AP4E1: variants seen among roughly 807,000 people sequenced by gnomAD.
The protein encoded by AP4E1 is adaptor related protein complex 4 subunit epsilon 1, also known as AP-4 complex subunit epsilon-1.
In AP4E1, 56 loss-of-function variants were observed where a neutral mutation model predicts 128.2. The ratio of observed to expected loss-of-function variants is 0.44; its 90% confidence interval spans 0.35 to 0.55. The LOEUF (loss-of-function observed/expected upper bound fraction) is 0.55. Among genes scored for constraint, AP4E1 ranks in the 20% least tolerant of loss-of-function variants. The pLI is 0.00. For missense variants in AP4E1, 1,324 were observed against 1,307.7 expected, an observed-to-expected ratio of 1.01 and a Z score of -0.19; for synonymous variants, 484 against 473.1, an observed-to-expected ratio of 1.02 and a Z score of -0.30.
Position 50,915,467 on chromosome 15 carries a change from T to A in AP4E1, c.242T>A (p.Met81Lys). 1 of 1,613,308 alleles carries A rather than the reference T, an allele frequency of 6.2e-7. No individual in the cohort carries two copies. Among genetic ancestry groups the A allele is most frequent in the East Asian group, 2.2e-5 (1 of 44,732 alleles). Reference protein sequence around the residue: ...TTTLKMMKECMVRLIYCEMLG... With the variant: ...TTTLKMMKECKVRLIYCEMLG... ...TTTCAGAAAATGATGAAGGAATGTATGGTGAGACTTATATATTGTGAAATG... is the reference window on the plus strand; with the variant it reads ...TTTCAGAAAATGATGAAGGAATGTAAGGTGAGACTTATATATTGTGAAATG... The change falls in exon 3 of 21, where the codon ATG (methionine) becomes AAG (lysine). Residue 81 changes from methionine to lysine, a missense_variant. Coordinates refer to ENST00000261842, the MANE Select transcript of AP4E1 (RefSeq NM_007347.5).
chr15:50,934,738 G>GT, intron 8 of AP4E1, 41 bp downstream of exon 8: 1 of 1,322,350 alleles, frequency 7.6e-7, no homozygotes. Context: ...GACTAATAAT[G>GT]TTTTTTAGTA....
At chr15:51,001,552 AC>A (rs1259593307) in intron 20 of AP4E1, among the ~76,000 whole-genome samples, 7 of 151,978 alleles carry the variant, frequency 4.6e-5, no homozygotes, top group Admixed American at 3.3e-4. Flanking sequence ...CTACCATTTT[AC>A]CTCTTGTCTC....
At chr15:50,936,022 C>T (rs1596469193) in intron 8 of AP4E1, among the ~76,000 whole-genome samples, 1 of 151,998 alleles carries the variant, frequency 6.6e-6, no homozygotes, top group Non-Finnish European at 1.5e-5. Flanking sequence ...AAACTAGGTG[C>T]GGATTGAGGA....
rs961668789 is a variant in AP4E1 at position 51,004,156 on chromosome 15, T to C, written c.*1494T>C. The C allele has an allele frequency of 6.6e-5, 10 of 152,316 alleles. No homozygotes were observed. The highest frequency in any genetic ancestry group is 2.4e-4 in the African/African-American group (10 of 41,550). 9.4% of individuals were successfully genotyped at this position (152,316 alleles called of 1,614,324 possible). A position where few individuals can be genotyped will look rare whatever the true frequency, so the allele number is the denominator to read the frequency against. On this transcript the variant is annotated 3_prime_UTR_variant, in exon 21 of 21. Transcript: ENST00000261842. ...TAATAGGTTCCTCCTTTTGAATAGA[T>C]CAGATTCATCCCCAGGCTCTCAGCA...
intron 2 of AP4E1, 88 bp from the exon 3 acceptor site, chr15:50,915,360 G>A: frequency 7.3e-7 from 1 of 1,364,978 alleles, no homozygotes; most frequent in Non-Finnish European, 1.0e-6. Flanking sequence ...CAGGATTAAA[G>A]GATTCTCCTT....
At chr15:50,916,508 T>C (rs1403941847) in intron 3 of AP4E1, among the ~76,000 whole-genome samples, 1 of 152,218 alleles carries the variant, frequency 6.6e-6, no homozygotes, top group Non-Finnish European at 1.5e-5. Context: ...TTTAGAATAG[T>C]AAAGGTTAGA....
chr15:50,908,757 G>A lies in AP4E1; in HGVS notation c.-22G>A, dbSNP rs1567202738. On this transcript the variant is annotated 5_prime_UTR_variant, in exon 1 of 21. Transcript: ENST00000261842. ...CGGCTACGGGATCGCGGGCGGCGGC[G>A]GCATCGCGGGCGGCGGCGGCGATGA... 5.3e-6 allele frequency: 8 copies of A among 1,513,256 alleles called. No homozygotes were observed. The highest frequency in any genetic ancestry group is 7.1e-6 in the Non-Finnish European group (8 of 1,133,838). 93.7% of individuals were successfully genotyped at this position (1,513,256 alleles called of 1,614,324 possible).
chr15:50,908,704 G>T lies in AP4E1; in HGVS notation c.-75G>T, dbSNP rs1314586028. 1 of 1,392,916 alleles carries T rather than the reference G, an allele frequency of 7.2e-7. No individual in the cohort carries two copies. Among genetic ancestry groups the T allele is most frequent in the Non-Finnish European group, 9.3e-7 (1 of 1,076,628 alleles). The allele number at this position is 1,392,916 out of a possible 1,614,324, so 86.3% of individuals were successfully genotyped here. A position where few individuals can be genotyped will look rare whatever the true frequency, so the allele number is the denominator to read the frequency against. ...AGGAAGTGCCTACGGAGGCCGGGCC[G>T]GCAGCGGCGGCCGGGCATGAAGCCG... On this transcript the variant is annotated 5_prime_UTR_variant, in exon 1 of 21. Transcript: ENST00000261842.
chr15:50,908,869 T>A lies in AP4E1; in HGVS notation c.91T>A (p.Ser31Thr), dbSNP rs924365071. The A allele has an allele frequency of 8.7e-6, 14 of 1,610,038 alleles. No homozygotes were observed. Among genetic ancestry groups the A allele is most frequent in the Non-Finnish European group, 2.5e-6 (3 of 1,179,128 alleles). ...PGGGPAAAKA[S>T]FSSRLGSLVR... The stretch of plus-strand genomic sequence containing the variant: ...TGGTGGGCCCGCGGCCGCCAAGGCG[T>A]CCTTCTCCTCGAGGCTGGGCAGCCT... The change falls in exon 1 of 21, where the codon TCC becomes ACC. Residue 31 changes from serine to threonine, a missense_variant. Ser to Thr is a moderately conservative substitution (Grantham distance 58). Coordinates refer to ENST00000261842, the MANE Select transcript of AP4E1 (RefSeq NM_007347.5).
At chr15:50,977,716 T>TG (rs1441732457) in intron 15 of AP4E1, among the ~76,000 whole-genome samples, 5 of 63,682 alleles carry the variant, frequency 7.9e-5, no homozygotes, top group Non-Finnish European at 1.6e-4. Context: ...GTTTTTTTTT[T>TG]TTTTTTTTTT....
At chr15:50,928,078 A>G (rs1299891682) in intron 5 of AP4E1, among the ~76,000 whole-genome samples, 1 of 152,156 alleles carries the variant, frequency 6.6e-6, no homozygotes, top group Non-Finnish European at 1.5e-5. Flanking sequence ...CAAAACTAGT[A>G]TATACTTTTC....
At chr15:50,954,453 T>C (rs1286052383) in intron 13 of AP4E1, among the ~76,000 whole-genome samples, 1 of 152,194 alleles carries the variant, frequency 6.6e-6, no homozygotes, top group Non-Finnish European at 1.5e-5. Context: ...ATTCAATAGT[T>C]CAGTTTGTTG....
intron 15 of AP4E1, among the ~76,000 whole-genome samples, chr15:50,983,585 A>C (rs1373981471): frequency 5.3e-5 from 8 of 152,006 alleles, no homozygotes; most frequent in African/African-American, 1.9e-4. Context: ...CCTTAGGGAG[A>C]TTTTACGTTG....
intron 16 of AP4E1, among the ~76,000 whole-genome samples, chr15:50,991,071 G>A (rs896928704): frequency 6.6e-6 from 1 of 152,176 alleles, no homozygotes; most frequent in African/African-American, 2.4e-5. Context: ...CGAGATGGAT[G>A]GCAAGGACTT....
chr15:50,923,052 C>G (rs2063725997), intron 3 of AP4E1, among the ~76,000 whole-genome samples: 1 of 152,210 alleles, frequency 6.6e-6, no homozygotes, highest in African/African-American at 2.4e-5. Flanking sequence ...GCTGGGATAA[C>G]AGGCGTGAGC....
At chr15:50,939,122 A>C (rs2063948460) in intron 8 of AP4E1, among the ~76,000 whole-genome samples, 1 of 152,224 alleles carries the variant, frequency 6.6e-6, no homozygotes, top group Admixed American at 6.5e-5. Context: ...GTACCAAGAG[A>C]GTAACCAAGA....
intron 16 of AP4E1, among the ~76,000 whole-genome samples, chr15:50,985,702 T>C (rs2140917291): frequency 1.3e-5 from 2 of 152,342 alleles, no homozygotes; most frequent in South Asian, 4.1e-4. Flanking sequence ...CATGCTGTTT[T>C]GGTTACTGTA....
At chr15:50,914,650 C>CAAAA (rs60591318) in intron 2 of AP4E1, among the ~76,000 whole-genome samples, 2 of 93,716 alleles carry the variant, frequency 2.1e-5, no homozygotes, top group African/African-American at 8.9e-5. Context: ...GACTCTGTCT[C>CAAAA]AAAAAAAAAA....
chr15:50,939,497 T>A (rs1596471303), intron 8 of AP4E1, among the ~76,000 whole-genome samples: 2 of 152,110 alleles, frequency 1.3e-5, no homozygotes, highest in African/African-American at 4.8e-5. Flanking sequence ...GAGTGGCTGC[T>A]CTTTCAATTA....
Sources: allele counts gnomAD v4.1 joint callset (sites outside exome capture counted in the v4.1 genomes callset), GRCh38; gene constraint gnomAD v4.1.1; transcripts MANE v1.5; gene names NCBI Gene and HGNC (gene_info 2026-07-23, HGNC 2026-07-21).